Variants in PZP observed in about 807,000 individuals in gnomAD.
The protein encoded by PZP is PZP alpha-2-macroglobulin like.
PZP carries 150 observed loss-of-function variants against 179.8 expected under a neutral mutation model. That is an observed-to-expected ratio of 0.83 (90% CI 0.73 to 0.96). The LOEUF (loss-of-function observed/expected upper bound fraction) is 0.96, where lower values mean the gene tolerates loss of function less well. PZP is among the 40% of genes least tolerant of loss of function. The pLI, the probability that PZP is intolerant of heterozygous loss-of-function variation, is 0.00. For missense variants in PZP, 1,689 were observed against 1,764.0 expected (o/e 0.96, Z 0.76); for synonymous variants, 624 against 652.3 (o/e 0.96, Z 0.66).
chr12:9,148,220 G>A (rs1347713452), downstream of PZP, among the ~76,000 whole-genome samples: 1 of 152,008 alleles, frequency 6.6e-6, no homozygotes, highest in Non-Finnish European at 1.5e-5. Context: ...ACTTCATATA[G>A]TTGTCATATG....
intron 13 of PZP, among the ~76,000 whole-genome samples, chr12:9,188,995 C>T (rs776203370): frequency 5.4e-4 from 82 of 151,892 alleles, no homozygotes; most frequent in Non-Finnish European, 9.6e-4. Flanking sequence ...TCAAAGAAAT[C>T]AGAGATGATG....
chr12:9,202,953 C>G (rs1419584163), intron 2 of PZP, among the ~76,000 whole-genome samples: 1 of 152,106 alleles, frequency 6.6e-6, no homozygotes, highest in East Asian at 1.9e-4. Context: ...TATGTATATT[C>G]TGAAGCAATG....
intron 15 of PZP, 151 bp from the exon 16 acceptor site, chr12:9,169,742 A>G: frequency 3.0e-6 from 2 of 656,128 alleles, no homozygotes; most frequent in Non-Finnish European, 4.6e-6. Flanking sequence ...TTTTCCTTAT[A>G]TTTAACAGTG....
chr12:9,192,947 C>G (rs1416816305), intron 11 of PZP, among the ~76,000 whole-genome samples: 1 of 152,124 alleles, frequency 6.6e-6, no homozygotes, highest in African/African-American at 2.4e-5. Flanking sequence ...TCTCTTTTGC[C>G]CTGATTCTGC....
intron 15 of PZP, among the ~76,000 whole-genome samples, chr12:9,174,562 C>A (rs774475479): frequency 1.3e-5 from 2 of 152,200 alleles, no homozygotes; most frequent in African/African-American, 4.8e-5. Context: ...CTAGAAAACC[C>A]CATTATCTCA....
At chr12:9,207,135 G>A (rs1361538805) in intron 1 of PZP, among the ~76,000 whole-genome samples, 1 of 152,198 alleles carries the variant, frequency 6.6e-6, no homozygotes, top group African/African-American at 2.4e-5. Context: ...TTGGCCTGAA[G>A]AAGGCTATTT....
rs1162066481 is a variant in PZP, at chr12:9,169,522, G to T, written c.1909C>A (p.Gln637Lys). 4 of 1,612,770 alleles carry T rather than the reference G, an allele frequency of 2.5e-6. No individual in the cohort carries two copies. Among genetic ancestry groups the T allele is most frequent in the Middle Eastern group, 1.6e-4 (1 of 6,062 alleles). The change falls in exon 16 of 36, where the codon CAA becomes AAA. Residue 637 changes from glutamine to lysine, a missense_variant. Coordinates refer to ENST00000261336, the MANE Select transcript of PZP (RefSeq NM_002864.3). ...AAGAAAGGACGGGGACAGTGTCCTT[G>T]TTCTTCCTCCTGCTGGTCCACATTG... Reference protein sequence around the residue: ...PDNVDQQEEEQGHCPRPFFIH... With the variant: ...PDNVDQQEEEKGHCPRPFFIH...
intron 7 of PZP, among the ~76,000 whole-genome samples, chr12:9,199,429 A>T (rs968911214): frequency 1.3e-5 from 2 of 152,078 alleles, no homozygotes; most frequent in Non-Finnish European, 2.9e-5. Context: ...TGGGGGAGAG[A>T]TTATTTCAGG....
chr12:9,197,630 T>A (rs1592556479), intron 7 of PZP, among the ~76,000 whole-genome samples: 1 of 71,788 alleles, frequency 1.4e-5, no homozygotes, highest in African/African-American at 5.6e-5. Flanking sequence ...ATATATTATA[T>A]TATATATTAT....
intron 23 of PZP, among the ~76,000 whole-genome samples, chr12:9,160,728 C>T (rs1347983477): frequency 6.6e-6 from 1 of 151,988 alleles, no homozygotes; most frequent in African/African-American, 2.4e-5. Flanking sequence ...TCCTGGTGAA[C>T]ACGGTGAAAC....
rs1941896994 is a variant in PZP, at chr12:9,170,230, T to C, written c.1840-639A>G. 1 of 152,086 alleles carries C rather than the reference T, an allele frequency of 6.6e-6. No homozygotes were observed. The highest frequency in any genetic ancestry group is 1.5e-5 in the Non-Finnish European group (1 of 68,032). 9.4% of individuals were successfully genotyped at this position (152,086 alleles called of 1,614,324 possible). On this transcript the variant is annotated intron_variant, in intron 15 of 35. Transcript: ENST00000261336. This position sits in a 1 kb window ranked among gnomAD's most constrained non-coding sequence, Gnocchi z 4.6. ...CCAGCCAAGGGAAGCGGTGAGTGATTGTGCGACCTCGCCTGGGAAATCACA... is the reference window on the plus strand; with the variant it reads ...CCAGCCAAGGGAAGCGGTGAGTGATCGTGCGACCTCGCCTGGGAAATCACA...
intron 2 of PZP, among the ~76,000 whole-genome samples, chr12:9,202,888 C>A (rs1944246336): frequency 6.6e-6 from 1 of 152,118 alleles, no homozygotes; most frequent in African/African-American, 2.4e-5. Context: ...GAACCCAGAT[C>A]TCCATGGAGT....
At chr12:9,151,830 A>G (rs1292946137) in intron 32 of PZP, among the ~76,000 whole-genome samples, 158 bp from the exon 33 acceptor site, 1 of 152,252 alleles carries the variant, frequency 6.6e-6, no homozygotes, top group Non-Finnish European at 1.5e-5. Context: ...TCAATATCCA[A>G]GTAACACATT....
At chr12:9,143,828 G>A in the PZP span, among the ~76,000 whole-genome samples, 1 of 152,222 alleles carries the variant, frequency 6.6e-6, no homozygotes, top group Non-Finnish European at 1.5e-5. Context: ...CAGTGGAGAG[G>A]ACATAGGAAT....
chr12:9,153,422 C>A, intron 29 of PZP, 79 bp from the exon 30 acceptor site: 1 of 1,222,694 alleles, frequency 8.2e-7, no homozygotes, highest in Non-Finnish European at 1.2e-6. Flanking sequence ...CTGTGTTAGC[C>A]TACCATGAGG....
intron 15 of PZP, among the ~76,000 whole-genome samples, chr12:9,173,612 A>G (rs770440129): frequency 1.3e-5 from 2 of 152,286 alleles, no homozygotes; most frequent in South Asian, 2.1e-4. Context: ...AAAGAAAAGA[A>G]TCAAGTAGAC....
At chr12:9,154,130 G>A (rs746341801) in intron 29 of PZP, among the ~76,000 whole-genome samples, 8 of 152,156 alleles carry the variant, frequency 5.3e-5, no homozygotes, top group Non-Finnish European at 1.0e-4. Context: ...ATACATCTTA[G>A]AGGATTTCTT....
chr12:9,192,531 TC>T lies in PZP; in HGVS notation c.1462del (p.Glu488SerfsTer7), dbSNP rs765208727. 1 of 1,613,514 alleles carries T rather than the reference TC, an allele frequency of 6.2e-7. No individual in the cohort carries two copies. The highest frequency in any genetic ancestry group is 8.5e-7 in the Non-Finnish European group (1 of 1,179,492). ...LNRQAMGELS[E>X]LSFHYLIMAK... Reference sequence around the variant, plus strand: ...TCTTACCAGGTAATGGAAACTGAGCTCCGATAACTCTCCCATGGCCTGTCTA... The same window carrying T: ...TCTTACCAGGTAATGGAAACTGAGCTCGATAACTCTCCCATGGCCTGTCTA... On this transcript the variant is annotated frameshift_variant, in exon 12 of 36. Coordinates refer to ENST00000261336, the MANE Select transcript of PZP (RefSeq NM_002864.3). LOFTEE classifies it high-confidence loss of function.
chr12:9,162,295 C>A, intron 22 of PZP: 1 of 296,346 alleles, frequency 3.4e-6, no homozygotes, highest in Non-Finnish European at 6.2e-6. Context: ...TCCTGGGACA[C>A]TCTAAGCTTC....
Sources: gnomAD v4.1 joint callset for allele counts (sites outside exome capture counted in the v4.1 genomes callset) on GRCh38, gnomAD v4.1.1 for gene constraint, Gnocchi (gnomAD v3.1) non-coding constraint, MANE v1.5 for transcripts, NCBI Gene and HGNC (gene_info 2026-07-23, HGNC 2026-07-21) for gene names.